PLD5: variants seen among roughly 807,000 people sequenced by gnomAD.
PLD5 encodes inactive phospholipase D5.
PLD5 carries 36 observed loss-of-function variants against 61.1 expected under a neutral mutation model. That is an observed-to-expected ratio of 0.59 (90% confidence interval 0.45 to 0.78). The LOEUF (loss-of-function observed/expected upper bound fraction) is 0.78. Among genes scored for constraint, PLD5 ranks in the 30% least tolerant of loss-of-function variants. PLD5 has a pLI of 0.00. For synonymous variants in PLD5, 243 were observed against 242.8 expected (o/e 1.00, Z -0.01); for missense variants, 515 against 644.4 (o/e 0.80, Z 2.17).
chr1:242,138,027 A>G (rs1329719264), intron 5 of PLD5, among the ~76,000 whole-genome samples: 2 of 152,216 alleles, frequency 1.3e-5, no homozygotes, highest in Non-Finnish European at 1.5e-5. Context: ...CAGTCTGGTA[A>G]CCAAACATTA....
intron 2 of PLD5, among the ~76,000 whole-genome samples, chr1:242,325,544 C>T (rs1658709356): frequency 6.6e-6 from 1 of 151,944 alleles, no homozygotes; most frequent in South Asian, 2.1e-4. Flanking sequence ...TGTCGCCAGG[C>T]TGGAGTGCAG....
chr1:242,383,185 A>G (rs12138269), intron 1 of PLD5, among the ~76,000 whole-genome samples: 5,850 of 152,094 alleles, frequency 0.038, 201 homozygotes, highest in East Asian at 0.11. Flanking sequence ...ATTAGTAATT[A>G]CTTCTCATTT....
intron 3 of PLD5, among the ~76,000 whole-genome samples, chr1:242,277,982 C>T (rs1674506639): frequency 6.6e-6 from 1 of 152,120 alleles, no homozygotes; most frequent in Non-Finnish European, 1.5e-5. Flanking sequence ...GACCCTGTCT[C>T]AAAAACAAAC....
At chr1:242,475,407 AGC>A (rs1157816858) in intron 1 of PLD5, among the ~76,000 whole-genome samples, 1 of 130,784 alleles carries the variant, frequency 7.6e-6, no homozygotes, top group African/African-American at 3.0e-5. Context: ...TGGGCGACAG[AGC>A]GAGACTCCGT....
intron 1 of PLD5, among the ~76,000 whole-genome samples, chr1:242,510,330 C>G (rs1392986484): frequency 6.6e-6 from 1 of 152,156 alleles, no homozygotes; most frequent in Non-Finnish European, 1.5e-5. Context: ...ACAGACCACT[C>G]ATGCTGGAAA....
At chr1:242,174,883 A>G (rs540148923) in intron 5 of PLD5, among the ~76,000 whole-genome samples, 46 of 152,266 alleles carry the variant, frequency 3.0e-4, no homozygotes, top group African/African-American at 1.1e-3. Flanking sequence ...GGAACGTCAC[A>G]CACCGGGGCC....
chr1:242,246,518 A>ACACACAC (rs1256880675), intron 4 of PLD5, among the ~76,000 whole-genome samples: 75 of 73,708 alleles, frequency 1.0e-3, no homozygotes, highest in African/African-American at 2.4e-3. Flanking sequence ...CACACACACA[A>ACACACAC]AAGCAAAATC....
intron 3 of PLD5, among the ~76,000 whole-genome samples, chr1:242,286,001 C>A (rs1182637306): frequency 6.6e-6 from 1 of 151,954 alleles, no homozygotes; most frequent in Non-Finnish European, 1.5e-5. Context: ...CCCAGCTACT[C>A]GGGAGGCTGA....
Position 242,085,784 on chromosome 1 carries a change from T to C in PLD5, c.*4070A>G, listed in dbSNP as rs1476877721. On this transcript the variant is annotated 3_prime_UTR_variant, in exon 10 of 10. Transcript: ENST00000536534. ...TTCATTATAGGAAGTGGCTGTTCTA[T>C]GCAAGTAATGGCAGCGTTTTACATT... The C allele has an allele frequency of 2.6e-5, 4 of 152,122 alleles. No homozygotes were observed. The highest frequency in any genetic ancestry group is 9.7e-5 in the African/African-American group (4 of 41,406). 9.4% of individuals were successfully genotyped at this position (152,122 alleles called of 1,614,324 possible).
chr1:242,259,914 G>C (rs1416332827), intron 4 of PLD5, among the ~76,000 whole-genome samples: 3 of 152,030 alleles, frequency 2.0e-5, no homozygotes, highest in Non-Finnish European at 4.4e-5. Context: ...ATTTTGCTTA[G>C]GACTAGAATA....
chr1:242,514,356 T>A (rs1482138614), intron 1 of PLD5, among the ~76,000 whole-genome samples: 5 of 152,200 alleles, frequency 3.3e-5, no homozygotes, highest in Non-Finnish European at 7.3e-5. Flanking sequence ...GTACGAACCA[T>A]CACCAAGAGT....
chr1:242,428,798 G>A (rs2102884862), intron 1 of PLD5, among the ~76,000 whole-genome samples: 1 of 152,136 alleles, frequency 6.6e-6, no homozygotes, highest in Non-Finnish European at 1.5e-5. Context: ...AGGAGATAAA[G>A]GAACAAGAAG....
chr1:242,393,512 A>ATATATATGTGTATATATATGAG lies in PLD5; in HGVS notation c.190-45271_190-45270insCTCATATATATACACATATATA, dbSNP rs1558523948. On this transcript the variant is annotated intron_variant, in intron 1 of 9. Transcript: ENST00000536534. ...AGTATATATATGTGTATATATGAGTATATATATATGTGTATATATGTGAGT... is the reference window on the plus strand; with the variant it reads ...AGTATATATATGTGTATATATGAGTATATATATGTGTATATATATGAGTATATATATGTGTATATATGTGAGT... Among the ~76,000 whole-genome samples, 5 of 736 alleles carry ATATATATGTGTATATATATGAG rather than the reference A, an allele frequency of 6.8e-3. 1 individual carries two copies. The highest frequency in any genetic ancestry group is 9.2e-3 in the Non-Finnish European group (4 of 436). 0.5% of individuals were successfully genotyped at this position (736 alleles called of 152,430 possible).
chr1:242,183,762 C>T (rs575723241), intron 5 of PLD5, among the ~76,000 whole-genome samples: 1 of 145,660 alleles, frequency 6.9e-6, no homozygotes, highest in African/African-American at 2.7e-5. Flanking sequence ...GGCGTGGTGG[C>T]GGGCCCCTGT....
intron 6 of PLD5, 166 bp downstream of exon 6, chr1:242,124,302 G>A (rs1000992192): frequency 1.7e-6 from 1 of 585,814 alleles, no homozygotes; most frequent in Non-Finnish European, 3.0e-6. Flanking sequence ...TATATTTGAG[G>A]GTATGATTGC....
At chr1:242,185,837 G>T (rs778697345) in intron 5 of PLD5, among the ~76,000 whole-genome samples, 1 of 151,820 alleles carries the variant, frequency 6.6e-6, no homozygotes, top group Non-Finnish European at 1.5e-5. Context: ...TCTTGGACAG[G>T]ATGAAAAAGC....
chr1:242,348,169 G>T lies in PLD5; in HGVS notation c.263C>A (p.Ala88Asp). 6.2e-7 allele frequency: 1 copy of T among 1,613,700 alleles called. No individual in the cohort carries two copies. The change falls in exon 2 of 10, where the codon GCC becomes GAC. Residue 88 changes from alanine (A) to aspartate (D), a missense_variant. By Grantham distance (126) the Ala-to-Asp change is moderately radical. Around this residue, in one of 2 missense-constraint regions of PLD5, gnomAD observed 450 missense variants for 598.1 expected, o/e 0.75. Transcript: ENST00000536534. ...FAILVALIFS[A>D]VDIMGEDEDG... ...CTCATCCTCTCCCATGATGTCCACGGCTGAAAAGATCAGTGCAACCAGAAT... is the reference window on the plus strand; with the variant it reads ...CTCATCCTCTCCCATGATGTCCACGTCTGAAAAGATCAGTGCAACCAGAAT...
chr1:242,359,379 G>A (rs895754223), intron 1 of PLD5, among the ~76,000 whole-genome samples: 3 of 152,022 alleles, frequency 2.0e-5, no homozygotes, highest in African/African-American at 4.8e-5. Context: ...AGGATGACAT[G>A]GTCAAAGCAA....
At chr1:242,357,599 C>T (rs1401983895) in intron 1 of PLD5, among the ~76,000 whole-genome samples, 2 of 151,628 alleles carry the variant, frequency 1.3e-5, no homozygotes, top group African/African-American at 4.8e-5. Flanking sequence ...GATTCTTCTG[C>T]CTCAGCCTCC....
Sources: gnomAD v4.1 joint callset for allele counts (sites outside exome capture counted in the v4.1 genomes callset) on GRCh38, gnomAD v4.1.1 for gene constraint, gnomAD v4.1.1 regional missense constraint, MANE v1.5 for transcripts, NCBI Gene and HGNC (gene_info 2026-07-23, HGNC 2026-07-21) for gene names.